The following GALNTL6 variants were observed in gnomAD, a reference collection of about 807,000 sequenced individuals.
The protein encoded by GALNTL6 is polypeptide N-acetylgalactosaminyltransferase like 6.
A neutral mutation model predicts 73.7 loss-of-function variants in GALNTL6; 46 were observed. The ratio of observed to expected loss-of-function variants is 0.62; its 90% CI spans 0.49 to 0.80. GALNTL6 has a LOEUF of 0.80. GALNTL6 is among the 30% of genes least tolerant of loss of function. GALNTL6 has a pLI of 0.00. For synonymous variants in GALNTL6, 259 were observed against 263.7 expected, an observed-to-expected ratio of 0.98 and a Z score of 0.17; for missense variants, 604 against 755.0, an observed-to-expected ratio of 0.80 and a Z score of 2.34.
At chr4:172,163,393 T>C (rs1481007904) in intron 2 of GALNTL6, among the ~76,000 whole-genome samples, 2 of 152,012 alleles carry the variant, frequency 1.3e-5, no homozygotes, top group South Asian at 2.1e-4. Context: ...CAAACATAGA[T>C]AACTCTGTAA....
At chr4:172,981,796 CTTTT>C (rs56273122) in intron 10 of GALNTL6, among the ~76,000 whole-genome samples, 4 of 101,814 alleles carry the variant, frequency 3.9e-5, no homozygotes, top group Admixed American at 1.1e-4. Context: ...GTATGAACGT[CTTTT>C]TTTTTTTTTT....
chr4:172,832,197 A>G (rs1226561167), intron 7 of GALNTL6, among the ~76,000 whole-genome samples: 2 of 152,136 alleles, frequency 1.3e-5, no homozygotes, highest in Admixed American at 6.5e-5. Flanking sequence ...TCACTTCTTG[A>G]TCTGTCTGAC....
At chr4:172,194,544 G>C (rs1003820165) in intron 2 of GALNTL6, among the ~76,000 whole-genome samples, 1 of 152,192 alleles carries the variant, frequency 6.6e-6, no homozygotes, top group Non-Finnish European at 1.5e-5. Context: ...GGTAACCAGA[G>C]AGAAAGGTGA....
At chr4:172,489,096 T>A (rs1214032491) in intron 5 of GALNTL6, among the ~76,000 whole-genome samples, 1 of 152,250 alleles carries the variant, frequency 6.6e-6, no homozygotes, top group Non-Finnish European at 1.5e-5. Context: ...CCAAGTAGTT[T>A]CTTTGTCTCT....
intron 5 of GALNTL6, among the ~76,000 whole-genome samples, chr4:172,637,892 C>A (rs1337695574): frequency 6.6e-6 from 1 of 152,082 alleles, no homozygotes; most frequent in African/African-American, 2.4e-5. Context: ...TCCTATTGGA[C>A]CCTACGCATA....
chr4:172,057,930 C>T (rs1313992519), intron 2 of GALNTL6, among the ~76,000 whole-genome samples: 1 of 151,596 alleles, frequency 6.6e-6, no homozygotes, highest in Non-Finnish European at 1.5e-5. Context: ...GAATCTTTTC[C>T]ATTTTTCCGC....
intron 2 of GALNTL6, among the ~76,000 whole-genome samples, chr4:172,036,055 G>A (rs1210576064): frequency 5.9e-5 from 9 of 151,988 alleles, no homozygotes; most frequent in Admixed American, 5.2e-4. Context: ...TTTAATAATT[G>A]AGTTATTTTT....
intron 5 of GALNTL6, among the ~76,000 whole-genome samples, chr4:172,801,885 T>G (rs886852920): frequency 6.6e-6 from 1 of 152,158 alleles, no homozygotes; most frequent in Non-Finnish European, 1.5e-5. Flanking sequence ...TTCCTTCTCC[T>G]CAGCCTACCC....
chr4:171,941,615 G>C (rs1738546831), intron 2 of GALNTL6, among the ~76,000 whole-genome samples: 2 of 152,126 alleles, frequency 1.3e-5, no homozygotes, highest in Middle Eastern at 3.2e-3. Flanking sequence ...TCATTCCACT[G>C]CTCCTTTAGA....
At chr4:172,615,561 T>C (rs943491903) in intron 5 of GALNTL6, among the ~76,000 whole-genome samples, 4 of 152,166 alleles carry the variant, frequency 2.6e-5, no homozygotes, top group African/African-American at 9.7e-5. Context: ...TCTATTAAGT[T>C]CTCCTCAAAG....
intron 3 of GALNTL6, among the ~76,000 whole-genome samples, chr4:172,247,902 G>T (rs1220682204): frequency 6.6e-6 from 1 of 151,934 alleles, no homozygotes; most frequent in Non-Finnish European, 1.5e-5. Context: ...AGTAATAAAT[G>T]CTTATTGAAA....
chr4:172,177,577 T>C (rs1205169486), intron 2 of GALNTL6, among the ~76,000 whole-genome samples: 2 of 151,934 alleles, frequency 1.3e-5, no homozygotes, highest in Non-Finnish European at 2.9e-5. Context: ...ACACATTTGA[T>C]TACTGTTCAC....
intron 2 of GALNTL6, among the ~76,000 whole-genome samples, chr4:172,138,477 C>CTACATATATATATA (rs1429796548): frequency 2.3e-4 from 2 of 8,688 alleles, no homozygotes; most frequent in African/African-American, 7.7e-4. Flanking sequence ...CTTGGACTGC[C>CTACATATATATATA]TATATATATA....
At chr4:171,815,253 T>C (rs1734495595) in intron 2 of GALNTL6, 1 of 156,142 alleles carries the variant, frequency 6.4e-6, no homozygotes, top group African/African-American at 2.4e-5. Flanking sequence ...GTCTCCCCTG[T>C]TGCTAAGGTG....
chr4:172,522,729 T>C (rs953098376), intron 5 of GALNTL6, among the ~76,000 whole-genome samples: 1 of 150,150 alleles, frequency 6.7e-6, no homozygotes, highest in Non-Finnish European at 1.5e-5. Context: ...GGATGAGGGT[T>C]TTCATTCAAT....
At chr4:171,939,605 T>A (rs1054764675) in intron 2 of GALNTL6, among the ~76,000 whole-genome samples, 4 of 152,038 alleles carry the variant, frequency 2.6e-5, no homozygotes, top group African/African-American at 7.2e-5. Flanking sequence ...TGTGTTTAAT[T>A]ACTTCAGTAC....
rs941334557 is a variant in GALNTL6, at chr4:172,175,186, C to G, written c.139-54470C>G. On this transcript the variant is annotated intron_variant, in intron 2 of 12. Coordinates refer to ENST00000506823, the MANE Select transcript of GALNTL6 (RefSeq NM_001034845.3). ...CCACCTCTGGGGTTCAAGTGATTCT[C>G]CTGCCTCAGCCTCCCAAGTAGCTGA... Among the ~76,000 whole-genome samples the G allele has an allele frequency of 2.2e-4, 33 of 151,912 alleles. 1 individual carries two copies. In the East Asian group the frequency reaches 6.0e-3, roughly 28 times the overall value.
chr4:172,106,357 T>C (rs1231492279), intron 2 of GALNTL6, among the ~76,000 whole-genome samples: 1 of 152,168 alleles, frequency 6.6e-6, no homozygotes, highest in Non-Finnish European at 1.5e-5. Context: ...GCCTGTAAAA[T>C]CCTGTTAAGT....
rs1456278486 is a variant in GALNTL6 at position 172,380,302 on chromosome 4, G to A, written c.553+31613G>A. ...AACGCACTTTAGGGGCTGCCATTGG[G>A]TATTCTTCTGGAAGAAATAGTCCAA... On this transcript the variant is annotated intron_variant, in intron 5 of 12. Transcript: ENST00000506823. The A allele has an allele frequency of 4.0e-6, 3 of 745,104 alleles. No individual in the cohort carries two copies. The African/African-American group carries it at 5.2e-5, about 13-fold the overall frequency. The allele number at this position is 745,104 out of a possible 1,614,324, so 46.2% of individuals were successfully genotyped here.
Sources: gnomAD v4.1 joint callset for allele counts (sites outside exome capture counted in the v4.1 genomes callset) on GRCh38, gnomAD v4.1.1 for gene constraint, MANE v1.5 for transcripts, NCBI Gene and HGNC (gene_info 2026-07-23, HGNC 2026-07-21) for gene names.